NXPH1: variants seen among roughly 807,000 people sequenced by gnomAD.
NXPH1 encodes the protein neurexophilin 1, also known as neurexophilin-1.
NXPH1 carries 5 observed loss-of-function variants against 23.7 expected under a neutral mutation model. The observed-to-expected ratio is 0.21, with a 90% CI of 0.11 to 0.44. The LOEUF is 0.44. NXPH1 is among the 20% of genes least tolerant of loss of function. The probability of loss-of-function intolerance (pLI) is 0.99; values close to 1 mark genes in which losing one functional copy is unlikely to be tolerated. For synonymous variants in NXPH1, 144 were observed against 122.2 expected, an observed-to-expected ratio of 1.18 and a Z score of -1.18; for missense variants, 324 against 321.6, an observed-to-expected ratio of 1.01 and a Z score of -0.06.
At chr7:8,520,536 G>T (rs1584208002) in intron 2 of NXPH1, among the ~76,000 whole-genome samples, 1 of 152,170 alleles carries the variant, frequency 6.6e-6, no homozygotes, top group Non-Finnish European at 1.5e-5. Context: ...AAAGGGAAGT[G>T]CTTATTGATC....
intron 2 of NXPH1, among the ~76,000 whole-genome samples, chr7:8,719,096 T>A (rs1343287334): frequency 6.6e-6 from 1 of 152,254 alleles, no homozygotes; most frequent in Non-Finnish European, 1.5e-5. Context: ...ACTTTGTTTT[T>A]GGCATAGTAG....
chr7:8,498,574 C>G (rs574880787), intron 2 of NXPH1, among the ~76,000 whole-genome samples: 1 of 152,086 alleles, frequency 6.6e-6, no homozygotes, highest in African/African-American at 2.4e-5. Context: ...GTGGAAAGTT[C>G]TTTTCATATT....
chr7:8,464,027 C>T (rs1000249598), intron 2 of NXPH1, among the ~76,000 whole-genome samples: 2 of 152,138 alleles, frequency 1.3e-5, no homozygotes, highest in Non-Finnish European at 2.9e-5. Context: ...CTTCCTCCTC[C>T]TCCTTTTCTT....
intron 2 of NXPH1, among the ~76,000 whole-genome samples, chr7:8,632,609 C>T (rs17152973): frequency 0.28 from 42,056 of 152,070 alleles, 6,305 homozygotes; most frequent in African/African-American, 0.36. Context: ...CTGTTCTTAT[C>T]GCCTTATGAT....
At chr7:8,530,753 T>A (rs1488858872) in intron 2 of NXPH1, among the ~76,000 whole-genome samples, 1 of 152,236 alleles carries the variant, frequency 6.6e-6, no homozygotes, top group Non-Finnish European at 1.5e-5. Context: ...GAGCTCTGAC[T>A]ACAGGCATCA....
rs756940844 is a variant in NXPH1 at position 8,470,899 on chromosome 7, A to G, written c.54+35132A>G. On this transcript the variant is annotated intron_variant, in intron 2 of 2. Transcript: ENST00000405863. ...TTTTTTTTAAGAAGAAGGAAATAGCAGAATGGCCTAGACATGGGAATGGGA... is the reference window on the plus strand; with the variant it reads ...TTTTTTTTAAGAAGAAGGAAATAGCGGAATGGCCTAGACATGGGAATGGGA... 2.1e-3 allele frequency among the ~76,000 whole-genome samples: 326 copies of G among 152,252 alleles called. 7 individuals are homozygous for G. The highest frequency in any genetic ancestry group is 3.4e-3 in the Middle Eastern group (1 of 294).
At chr7:8,703,795 T>G (rs375331061) in intron 2 of NXPH1, among the ~76,000 whole-genome samples, 3 of 152,064 alleles carry the variant, frequency 2.0e-5, no homozygotes, top group Admixed American at 1.3e-4. Flanking sequence ...TATTCCTTAT[T>G]ATTGCGGGCC....
intron 2 of NXPH1, among the ~76,000 whole-genome samples, chr7:8,544,111 G>A (rs887082785): frequency 4.0e-5 from 6 of 151,548 alleles, no homozygotes; most frequent in African/African-American, 9.7e-5. Context: ...AAATTTGCCC[G>A]GTAGTTCTAG....
intron 2 of NXPH1, among the ~76,000 whole-genome samples, chr7:8,662,183 T>TAC (rs772400655): frequency 1.8e-5 from 1 of 55,780 alleles, no homozygotes. Flanking sequence ...TATATATATA[T>TAC]ATATATACAC....
intron 2 of NXPH1, among the ~76,000 whole-genome samples, chr7:8,577,310 C>G (rs544677758): frequency 6.6e-6 from 1 of 152,276 alleles, no homozygotes; most frequent in African/African-American, 2.4e-5. Flanking sequence ...TCAAGTAAGA[C>G]TGCATTCAGA....
rs1182055946 is a variant in NXPH1, at chr7:8,435,683, G to T, written c.-31G>T. On this transcript the variant is annotated 5_prime_UTR_variant, in exon 2 of 3. Transcript: ENST00000405863. The surrounding 1 kb of genome is among the most constrained non-coding windows in gnomAD (Gnocchi z 5.9). ...CTGAAGGAACAAAGACTCAAAGAAG[G>T]CACCGCCAAGGAAGTTTGAGACGCG... The T allele has an allele frequency of 1.2e-6, 2 of 1,609,050 alleles. No homozygotes were observed. The highest frequency in any genetic ancestry group is 2.2e-5 in the South Asian group (2 of 90,940).
intron 2 of NXPH1, among the ~76,000 whole-genome samples, chr7:8,608,719 T>C (rs889070947): frequency 6.6e-6 from 1 of 152,022 alleles, no homozygotes; most frequent in Non-Finnish European, 1.5e-5. Context: ...CCCACCAAAA[T>C]ACCACCACAA....
At chr7:8,491,316 TC>T (rs1289113823) in intron 2 of NXPH1, among the ~76,000 whole-genome samples, 2 of 152,048 alleles carry the variant, frequency 1.3e-5, no homozygotes, top group African/African-American at 4.8e-5. Context: ...GGACTCCATT[TC>T]CAATCATTTT....
chr7:8,455,314 C>A, intron 2 of NXPH1, among the ~76,000 whole-genome samples: 1 of 152,080 alleles, frequency 6.6e-6, no homozygotes, highest in East Asian at 1.9e-4. Context: ...AACGACTAAT[C>A]CTGAGACTTT....
At chr7:8,443,651 C>G (rs1282176945) in intron 2 of NXPH1, among the ~76,000 whole-genome samples, 1 of 152,196 alleles carries the variant, frequency 6.6e-6, no homozygotes, top group African/African-American at 2.4e-5. Context: ...CAGGACAAAC[C>G]ATGGCTAGGC....
intron 2 of NXPH1, among the ~76,000 whole-genome samples, chr7:8,658,594 C>T (rs1011129891): frequency 6.6e-6 from 1 of 152,162 alleles, no homozygotes; most frequent in South Asian, 2.1e-4. Flanking sequence ...CTTATCTATC[C>T]TTGGCTTTGA....
intron 2 of NXPH1, among the ~76,000 whole-genome samples, chr7:8,680,150 G>T (rs1821028611): frequency 6.6e-6 from 1 of 152,216 alleles, no homozygotes. Flanking sequence ...TTCCTATGCT[G>T]GTAATTGTAT....
chr7:8,686,282 T>G (rs1252813480), intron 2 of NXPH1, among the ~76,000 whole-genome samples: 2 of 152,136 alleles, frequency 1.3e-5, no homozygotes, highest in Non-Finnish European at 2.9e-5. Flanking sequence ...GATGTTTCTT[T>G]CCTTACGTCT....
chr7:8,706,085 C>T (rs1237549195), intron 2 of NXPH1, among the ~76,000 whole-genome samples: 1 of 152,106 alleles, frequency 6.6e-6, no homozygotes, highest in East Asian at 1.9e-4. Flanking sequence ...CTTAAAAACC[C>T]TTATAGGAGA....
Sources: gnomAD v4.1 joint callset for allele counts (sites outside exome capture counted in the v4.1 genomes callset) on GRCh38, gnomAD v4.1.1 for gene constraint, Gnocchi (gnomAD v3.1) non-coding constraint, MANE v1.5 for transcripts, NCBI Gene and HGNC (gene_info 2026-07-23, HGNC 2026-07-21) for gene names.